The following SPATA19 variants were observed in gnomAD, a reference collection of about 807,000 sequenced individuals.
SPATA19 encodes spermatogenesis-associated protein 19, mitochondrial.
Under a neutral mutation model 25.0 loss-of-function variants are expected in SPATA19, and 19 were observed. The observed-to-expected ratio is 0.76, with a 90% confidence interval of 0.53 to 1.11. SPATA19 has a LOEUF of 1.11. Among genes scored for constraint, SPATA19 ranks in the 50% most tolerant of loss-of-function variants. SPATA19 has a pLI of 0.00. For synonymous variants in SPATA19, 64 were observed against 69.3 expected (o/e 0.92, Z 0.38); for missense variants, 222 against 211.4 (o/e 1.05, Z -0.31).
chr11:133,840,324 A>T (rs1938279537), downstream of SPATA19, among the ~76,000 whole-genome samples: 1 of 152,224 alleles, frequency 6.6e-6, no homozygotes, highest in South Asian at 2.1e-4. Context: ...AAGGAAAAGG[A>T]TATAGGGCAG....
Position 133,844,620 on chromosome 11 carries a change from C to T in SPATA19, c.156G>A (p.Arg52=), listed in dbSNP as rs1438687234. 6.2e-7 allele frequency: 1 copy of T among 1,610,086 alleles called. No homozygotes were observed. Among genetic ancestry groups the T allele is most frequent in the African/African-American group, 1.3e-5 (1 of 74,798 alleles). The change falls in exon 3 of 7, where the codon CGG becomes CGA. Residue 52 remains arginine, a synonymous_variant. Coordinates refer to ENST00000299140, the MANE Select transcript of SPATA19 (RefSeq NM_174927.3). ...TGATGGACAGCTTTTCCTTTATGCC[C>T]CGAGAAGCCTCTTCTTCTGTCTGAA... The part of the protein sequence containing the change: ...WLKKTEEEAS[R]GIKEKLSINH...
chr11:133,841,866 C>T (rs149799134), intron 6 of SPATA19, among the ~76,000 whole-genome samples, 164 bp downstream of exon 6: 39 of 152,292 alleles, frequency 2.6e-4, no homozygotes, highest in Admixed American at 3.9e-4. Flanking sequence ...TTGCGGGAGC[C>T]TAAGGCAGCC....
chr11:133,838,858 A>C (rs10791326), downstream of SPATA19, among the ~76,000 whole-genome samples: 48,718 of 152,032 alleles, frequency 0.32, 8,952 homozygotes, highest in East Asian at 0.6. Context: ...ACCCCATCAA[A>C]AAGTGGGCAA....
chr11:133,844,397 AC>A, intron 3 of SPATA19, 60 bp from the exon 4 acceptor site: 1 of 1,609,292 alleles, frequency 6.2e-7, no homozygotes, highest in Non-Finnish European at 8.5e-7. Context: ...CTGGGCTGGC[AC>A]AGAGCCCAGA....
downstream of SPATA19, among the ~76,000 whole-genome samples, chr11:133,839,503 G>A (rs1156310942): frequency 6.6e-6 from 1 of 150,864 alleles, no homozygotes; most frequent in African/African-American, 2.4e-5. Context: ...GACACAGGAA[G>A]GGGAACATCA....
downstream of SPATA19, among the ~76,000 whole-genome samples, chr11:133,836,434 C>A (rs1212129266): frequency 1.3e-5 from 2 of 152,198 alleles, no homozygotes; most frequent in African/African-American, 4.8e-5. Flanking sequence ...CAGTGTCTGG[C>A]AGGTAAAGCT....
At chr11:133,842,587 G>A in intron 4 of SPATA19, 25 bp from the exon 5 acceptor site, 3 of 1,567,102 alleles carry the variant, frequency 1.9e-6, no homozygotes, top group Non-Finnish European at 2.6e-6. Flanking sequence ...TCGTACATTG[G>A]CATATGGGAT....
chr11:133,845,459 A>G lies in SPATA19; in HGVS notation c.-13T>C. Reference sequence around the variant, plus strand: ...TCGTAATTATCATCTTTGAATGTATACCAGGCCCCCTTCTTGGCTCCCTCC... The same window carrying G: ...TCGTAATTATCATCTTTGAATGTATGCCAGGCCCCCTTCTTGGCTCCCTCC... On this transcript the variant is annotated 5_prime_UTR_variant, in exon 1 of 7. Transcript: ENST00000299140. 2 of 1,613,840 alleles carry G rather than the reference A, an allele frequency of 1.2e-6. No homozygotes were observed. The highest frequency in any genetic ancestry group is 1.7e-6 in the Non-Finnish European group (2 of 1,179,876).
chr11:133,836,770 C>G (rs959838064), downstream of SPATA19, among the ~76,000 whole-genome samples: 1 of 152,184 alleles, frequency 6.6e-6, no homozygotes, highest in Non-Finnish European at 1.5e-5. Flanking sequence ...TCTGCCTCAT[C>G]AAAATGAAAG....
At chr11:133,842,676 G>C in intron 4 of SPATA19, 114 bp from the exon 5 acceptor site, 1 of 845,608 alleles carries the variant, frequency 1.2e-6, no homozygotes. Flanking sequence ...CTGACACCAT[G>C]AACTTTTGAG....
intron 5 of SPATA19, 114 bp from the exon 6 acceptor site, chr11:133,842,219 C>T (rs548731514): frequency 7.7e-6 from 8 of 1,044,674 alleles, no homozygotes; most frequent in Admixed American, 1.8e-5. Context: ...TAGGCCGTGG[C>T]CACACTGGGC....
At chr11:133,842,187 C>A in intron 5 of SPATA19, 82 bp from the exon 6 acceptor site, 1 of 1,406,230 alleles carries the variant, frequency 7.1e-7, no homozygotes, top group Non-Finnish European at 1.0e-6. Context: ...ACAGGGGCTG[C>A]GGTGGGAGGG....
chr11:133,841,316 A>G (rs1488091974), intron 6 of SPATA19, among the ~76,000 whole-genome samples: 1 of 152,148 alleles, frequency 6.6e-6, no homozygotes, highest in Non-Finnish European at 1.5e-5. Flanking sequence ...CTGACAAACT[A>G]CCTTGTGCAG....
At chr11:133,844,979 G>C (rs1938389359) in intron 2 of SPATA19, among the ~76,000 whole-genome samples, 155 bp downstream of exon 2, 1 of 152,186 alleles carries the variant, frequency 6.6e-6, no homozygotes, top group Non-Finnish European at 1.5e-5. Context: ...GTGTCCTCCA[G>C]CACATGTGAA....
intron 6 of SPATA19, among the ~76,000 whole-genome samples, chr11:133,841,569 G>A (rs1938310912): frequency 6.6e-6 from 1 of 152,206 alleles, no homozygotes; most frequent in Non-Finnish European, 1.5e-5. Context: ...CCAAGCACAA[G>A]GCAAGTGGCC....
downstream of SPATA19, among the ~76,000 whole-genome samples, chr11:133,840,333 A>G (rs1051733744): frequency 6.6e-6 from 1 of 152,232 alleles, no homozygotes; most frequent in African/African-American, 2.4e-5. Context: ...GATATAGGGC[A>G]GAAACTCAAA....
intron 1 of SPATA19, 23 bp from the exon 2 acceptor site, chr11:133,845,213 T>G: frequency 1.9e-6 from 3 of 1,613,724 alleles, no homozygotes; most frequent in Non-Finnish European, 1.7e-6. Flanking sequence ...GGCAAGTTGG[T>G]GACCTCAGAA....
downstream of SPATA19, among the ~76,000 whole-genome samples, chr11:133,837,528 A>G (rs1012976889): frequency 1.3e-5 from 2 of 152,094 alleles, no homozygotes. Context: ...ATTTTTAAAT[A>G]TGTCCAGAGC....
At chr11:133,840,595 A>G (rs921191936), downstream of SPATA19, 2 of 152,240 alleles carry the variant, frequency 1.3e-5, no homozygotes, top group Admixed American at 1.3e-4. Context: ...TGAATGGACA[A>G]ATGAATGGCA....
Sources: allele counts gnomAD v4.1 joint callset (sites outside exome capture counted in the v4.1 genomes callset), GRCh38; gene constraint gnomAD v4.1.1; transcripts MANE v1.5; gene names NCBI Gene and HGNC (gene_info 2026-07-23, HGNC 2026-07-21).